Variants in CDHR1 observed in about 807,000 individuals in gnomAD.
CDHR1 encodes cadherin-related family member 1.
In CDHR1, 61 loss-of-function variants were observed where a neutral mutation model predicts 72.1. The observed-to-expected ratio is 0.85, with a 90% CI of 0.69 to 1.05. The LOEUF (loss-of-function observed/expected upper bound fraction) is 1.05. Among genes scored for constraint, CDHR1 ranks in the 50% least tolerant of loss-of-function variants. CDHR1 has a pLI of 0.00. For missense variants in CDHR1, 1,186 were observed against 1,115.7 expected (o/e 1.06, Z -0.90); for synonymous variants, 470 against 448.1 (o/e 1.05, Z -0.62).
intron 9 of CDHR1, 24 bp downstream of exon 9, chr10:84,204,629 C>T (rs759703580): frequency 1.3e-6 from 2 of 1,561,886 alleles, no homozygotes; most frequent in East Asian, 2.2e-5. Flanking sequence ...GCTTTGGGGG[C>T]TGCAGCTTTG....
At position 84,200,455 on chromosome 10, in the gene CDHR1, T is replaced by G. The variant is rs530169722; in HGVS notation, c.439-146T>G. On this transcript the variant is annotated intron_variant, in intron 5 of 16. Coordinates refer to ENST00000623527, the MANE Select transcript of CDHR1 (RefSeq NM_033100.4). ...CACCCTCTCTGGGCCCAGCCCCCAC[T>G]GGGTGCTCACACATTTTATCCTCAA... The G allele has an allele frequency of 4.4e-6, 3 of 686,286 alleles. No individual in the cohort carries two copies. In the Admixed American group the frequency reaches 6.2e-5, roughly 14 times the overall value. 42.5% of individuals were successfully genotyped at this position (686,286 alleles called of 1,614,324 possible).
At chr10:84,209,814 A>G (rs1430747609) in intron 12 of CDHR1, among the ~76,000 whole-genome samples, 1 of 152,282 alleles carries the variant, frequency 6.6e-6, no homozygotes, top group East Asian at 1.9e-4. Context: ...AGGAATTACC[A>G]TAAGAAATAT....
At chr10:84,212,055 C>T (rs1842341569) in intron 14 of CDHR1, 124 bp from the exon 15 acceptor site, 3 of 861,524 alleles carry the variant, frequency 3.5e-6, no homozygotes, top group Admixed American at 1.9e-5. Context: ...AGGTAGGACA[C>T]TTTGGAGGAG....
intron 9 of CDHR1, 111 bp from the exon 10 acceptor site, chr10:84,205,716 A>G (rs1455065778): frequency 2.7e-6 from 2 of 742,402 alleles, no homozygotes; most frequent in African/African-American, 3.4e-5. Context: ...AGATGACAGG[A>G]TTCCATTCTA....
At chr10:84,199,797 G>A (rs1842090919) in intron 5 of CDHR1, among the ~76,000 whole-genome samples, 1 of 152,154 alleles carries the variant, frequency 6.6e-6, no homozygotes, top group Non-Finnish European at 1.5e-5. Flanking sequence ...TTTTCCAGAA[G>A]GCACCTGTTT....
chr10:84,214,096 C>G lies in CDHR1; in HGVS notation c.2055C>G (p.Ser685Arg). Residue 685 changes from serine (S) to arginine (R), a missense_variant, in exon 17 of 17, where the codon AGC (serine) becomes AGG (arginine). Ser to Arg is a moderately radical substitution (Grantham distance 110). Coordinates refer to ENST00000623527, the MANE Select transcript of CDHR1 (RefSeq NM_033100.4). The stretch of plus-strand genomic sequence containing the variant: ...TTCTCTTTCAGACCCTCTCCCGGAG[C>G]CCCATGGCTGCCTTCCTGATACAGA... Reference protein sequence around the residue: ...DITDAETLSRSPMAAFLIQTK... With the variant: ...DITDAETLSRRPMAAFLIQTK... 3.7e-6 allele frequency: 6 copies of G among 1,614,206 alleles called. No homozygotes were observed. Among genetic ancestry groups the G allele is most frequent in the Non-Finnish European group, 5.1e-6 (6 of 1,180,038 alleles).
intron 4 of CDHR1, among the ~76,000 whole-genome samples, 172 bp downstream of exon 4, chr10:84,198,008 G>A (rs1462045804): frequency 6.6e-6 from 1 of 152,170 alleles, no homozygotes; most frequent in Non-Finnish European, 1.5e-5. Context: ...GCAAGGCCAG[G>A]GGGAAGGAAG....
chr10:84,196,651 G>A lies in CDHR1; in HGVS notation c.297+1G>A, dbSNP rs1464226905. On this transcript the variant is annotated splice_donor_variant, in intron 3 of 16. Transcript: ENST00000623527. LOFTEE classifies it high-confidence loss of function. The stretch of plus-strand genomic sequence containing the variant: ...CCTGGTTGAAGAGCTGGACAGAGAG[G>A]TATGGGGAGGTGTGGGGAGTGCTGC... 9 of 1,614,162 alleles carry A rather than the reference G, an allele frequency of 5.6e-6. No individual in the cohort carries two copies. Among genetic ancestry groups the A allele is most frequent in the African/African-American group, 2.7e-5 (2 of 75,026 alleles).
intron 3 of CDHR1, among the ~76,000 whole-genome samples, chr10:84,197,064 G>A (rs980261306): frequency 6.6e-6 from 1 of 152,084 alleles, no homozygotes; most frequent in Non-Finnish European, 1.5e-5. Context: ...GTTTGGCAGA[G>A]CTCCTCCACT....
At position 84,201,918 on chromosome 10, in the gene CDHR1, A is replaced by C. The variant is rs1842134312; in HGVS notation, c.637A>C (p.Lys213Gln). The C allele has an allele frequency of 1.2e-6, 2 of 1,602,172 alleles. No homozygotes were observed. The highest frequency in any genetic ancestry group is 2.2e-5 in the South Asian group (2 of 90,990). ...GACCCACTACATCACCGTGGTCGCC[A>C]AGGTAACACAGCAGGACAGGGGAGC... The part of the protein sequence containing the change: ...SRTHYITVVA[K>Q]DGGGRLHGAD... The change falls in exon 7 of 17, where the codon AAG becomes CAG. Residue 213 changes from lysine (K) to glutamine (Q), a missense_variant and splice_region_variant. Lys to Gln is a moderately conservative substitution (Grantham distance 53, BLOSUM62 1). Coordinates refer to ENST00000623527, the MANE Select transcript of CDHR1 (RefSeq NM_033100.4).
chr10:84,203,278 G>A (rs1842164466), intron 8 of CDHR1, among the ~76,000 whole-genome samples, 155 bp downstream of exon 8: 1 of 152,210 alleles, frequency 6.6e-6, no homozygotes, highest in South Asian at 2.1e-4. Context: ...CTCAGGCCAT[G>A]AACTGGCCCT....
Position 84,203,138 on chromosome 10 carries a change from C to T in CDHR1, c.783+15C>T. 6.2e-7 allele frequency: 1 copy of T among 1,614,090 alleles called. No individual in the cohort carries two copies. Among genetic ancestry groups the T allele is most frequent in the African/African-American group, 1.3e-5 (1 of 75,046 alleles). ...ACACCCTTCCGGTGGGTGGCTGTCCCCCTCAGCCAGCGATCCCTCCAAATG... is the reference window on the plus strand; with the variant it reads ...ACACCCTTCCGGTGGGTGGCTGTCCTCCTCAGCCAGCGATCCCTCCAAATG... On this transcript the variant is annotated intron_variant, in intron 8 of 16. Transcript: ENST00000623527.
Position 84,218,334 on chromosome 10 carries a change from A to G in CDHR1, c.*3713A>G. ...GTAGCAACAGGCTGATGTTGGGGAC[A>G]TCGGTTTGATGTTATAAAATCGTGC... is the stretch of plus-strand genomic sequence containing the variant. On this transcript the variant is annotated 3_prime_UTR_variant, in exon 17 of 17. Coordinates refer to ENST00000623527, the MANE Select transcript of CDHR1 (RefSeq NM_033100.4). The G allele has an allele frequency of 1.0e-6, 1 of 985,446 alleles. No individual in the cohort carries two copies. The highest frequency in any genetic ancestry group is 1.2e-6 in the Non-Finnish European group (1 of 829,930). The allele number at this position is 985,446 out of a possible 1,614,324, so 61.0% of individuals were successfully genotyped here. A position where few individuals can be genotyped will look rare whatever the true frequency, so the allele number is the denominator to read the frequency against.
intron 3 of CDHR1, among the ~76,000 whole-genome samples, chr10:84,197,211 T>C (rs1589293881): frequency 2.0e-5 from 3 of 151,612 alleles, no homozygotes; most frequent in South Asian, 2.1e-4. Flanking sequence ...CAGGACAGGG[T>C]AGAGAAAGGA....
At chr10:84,200,735 C>A (rs976934564) in intron 6 of CDHR1, 48 bp downstream of exon 6, 3 of 1,369,264 alleles carry the variant, frequency 2.2e-6, no homozygotes, top group East Asian at 2.4e-5. Flanking sequence ...CCGGAGGGGA[C>A]ACCTAGATGG....
chr10:84,216,938 C>T lies in CDHR1; in HGVS notation c.*2317C>T. 1.0e-6 allele frequency: 1 copy of T among 985,498 alleles called. No individual in the cohort carries two copies. Among genetic ancestry groups the T allele is most frequent in the Non-Finnish European group, 1.2e-6 (1 of 829,956 alleles). 61.0% of individuals were successfully genotyped at this position (985,498 alleles called of 1,614,324 possible). On this transcript the variant is annotated 3_prime_UTR_variant, in exon 17 of 17. Transcript: ENST00000623527. ...GACAGGCGTCCTAAAGACCTCTAGG[C>T]TGGAAGCTTGGGCTTGCAAGTGGAT... is the stretch of plus-strand genomic sequence containing the variant.
chr10:84,218,026 A>G lies in CDHR1; in HGVS notation c.*3405A>G. 3 of 985,414 alleles carry G rather than the reference A, an allele frequency of 3.0e-6. No individual in the cohort carries two copies. The highest frequency in any genetic ancestry group is 3.6e-6 in the Non-Finnish European group (3 of 829,910). The allele number at this position is 985,414 out of a possible 1,614,324, so 61.0% of individuals were successfully genotyped here. ...CGGTGATTCTATTTTTAGGGACTGA[A>G]GGCGTTGAGGGAATCCAAGGCCAGT... On this transcript the variant is annotated 3_prime_UTR_variant, in exon 17 of 17. Coordinates refer to ENST00000623527, the MANE Select transcript of CDHR1 (RefSeq NM_033100.4).
In CDHR1 at chr10:84,217,288, A is replaced by G; in HGVS notation, c.*2667A>G. The G allele has an allele frequency of 1.0e-6, 1 of 985,498 alleles. No individual in the cohort carries two copies. The highest frequency in any genetic ancestry group is 4.7e-5 in the South Asian group (1 of 21,288). 61.0% of individuals were successfully genotyped at this position (985,498 alleles called of 1,614,324 possible). A position where few individuals can be genotyped will look rare whatever the true frequency, so the allele number is the denominator to read the frequency against. On this transcript the variant is annotated 3_prime_UTR_variant, in exon 17 of 17. Coordinates refer to ENST00000623527, the MANE Select transcript of CDHR1 (RefSeq NM_033100.4). ...GAAAGAGCTGGGAGGCAGGAATGGCACACTGGGCAGGCTTGCCCATTCCTG... is the reference window on the plus strand; with the variant it reads ...GAAAGAGCTGGGAGGCAGGAATGGCGCACTGGGCAGGCTTGCCCATTCCTG...
At position 84,208,836 on chromosome 10, in the gene CDHR1, C is replaced by T. The variant is rs774265876; in HGVS notation, c.1275C>T (p.Asn425=). ...NEAQVTIIVE[N]SAAIDFEKSK... is the part of the protein sequence containing the mutation. Reference sequence around the variant, plus strand: ...CCCAAGTCACAATCATTGTGGAGAACTCAGCTGCCATTGACTTTGAAAAGT... The same window carrying T: ...CCCAAGTCACAATCATTGTGGAGAATTCAGCTGCCATTGACTTTGAAAAGT... Residue 425 remains asparagine (N), a synonymous_variant, in exon 12 of 17, where the codon AAC becomes AAT. Coordinates refer to ENST00000623527, the MANE Select transcript of CDHR1 (RefSeq NM_033100.4). 89 of 1,614,090 alleles carry T rather than the reference C, an allele frequency of 5.5e-5. No homozygotes were observed. The highest frequency in any genetic ancestry group is 7.1e-5 in the Non-Finnish European group (84 of 1,180,044).
Sources: gnomAD v4.1 joint callset for allele counts (sites outside exome capture counted in the v4.1 genomes callset) on GRCh38, gnomAD v4.1.1 for gene constraint, MANE v1.5 for transcripts, NCBI Gene and HGNC (gene_info 2026-07-23, HGNC 2026-07-21) for gene names.